SMG6: variants seen among roughly 807,000 people sequenced by gnomAD.
SMG6 encodes telomerase-binding protein EST1A.
Under a neutral mutation model 142.2 loss-of-function variants are expected in SMG6, and 66 were observed. That is an observed-to-expected ratio of 0.46 (90% CI 0.38 to 0.57). SMG6 has a LOEUF of 0.57. Among genes scored for constraint, SMG6 ranks in the 20% least tolerant of loss-of-function variants. The pLI is 0.00. For synonymous variants in SMG6, 779 were observed against 702.4 expected (o/e 1.11, Z -1.72); for missense variants, 1,793 against 1,832.0 (o/e 0.98, Z 0.39).
rs1384478547 is a variant in SMG6 at position 2,277,229 on chromosome 17, C to T, written c.2661+5418G>A. ...TCACCCAGGCTGGAGTGCAGTGGCG[C>T]GATCTCGGCTCACTGCAAGCTCCGC... On this transcript the variant is annotated intron_variant, in intron 8 of 18. Transcript: ENST00000263073. Among the ~76,000 whole-genome samples, 9 of 146,072 alleles carry T rather than the reference C, an allele frequency of 6.2e-5. No individual in the cohort carries two copies. In the East Asian group the frequency reaches 1.0e-3, roughly 16 times the overall value.
At chr17:2,244,499 CAGT>C (rs1212510018) in intron 9 of SMG6, among the ~76,000 whole-genome samples, 156 bp downstream of exon 9, 1 of 152,136 alleles carries the variant, frequency 6.6e-6, no homozygotes, top group African/African-American at 2.4e-5. Context: ...TTCATGAGCA[CAGT>C]AGGACAGAAG....
chr17:2,271,116 GTT>G (rs542881081), intron 8 of SMG6, among the ~76,000 whole-genome samples: 34 of 132,194 alleles, frequency 2.6e-4, no homozygotes, highest in South Asian at 7.2e-4. Context: ...TTTTTTTCTG[GTT>G]TTTTTTTTTT....
rs1450976995 is a variant in SMG6 at position 2,188,502 on chromosome 17, C to T, written c.2883G>A (p.Glu961=). ...GTTCCTGGATCACAGAGCGGCACTC[C>T]TCCGAGAAGCAGTCTGCGGACAGGC... The part of the protein sequence containing the change: ...HNSQLKDCFS[E]ECRSVIQEQA... The change falls in exon 11 of 19, where the codon GAG becomes GAA. Residue 961 remains glutamate (E), a synonymous_variant. Coordinates refer to ENST00000263073, the MANE Select transcript of SMG6 (RefSeq NM_017575.5). 6.2e-7 allele frequency: 1 copy of T among 1,613,848 alleles called. No individual in the cohort carries two copies. The highest frequency in any genetic ancestry group is 8.5e-7 in the Non-Finnish European group (1 of 1,179,968).
intron 8 of SMG6, among the ~76,000 whole-genome samples, chr17:2,271,078 T>C (rs1161889175): frequency 6.6e-6 from 1 of 151,474 alleles, no homozygotes; most frequent in African/African-American, 2.4e-5. Context: ...GCAGGAGGAT[T>C]GCTTGAGTCC....
At chr17:2,186,581 C>A (rs1597552503) in intron 12 of SMG6, 82 bp downstream of exon 12, 3 of 1,503,074 alleles carry the variant, frequency 2.0e-6, no homozygotes, top group East Asian at 2.3e-5. Context: ...CAGAAAGAAA[C>A]AGAGCAGGAT....
intron 9 of SMG6, among the ~76,000 whole-genome samples, chr17:2,240,917 AG>A (rs2073785542): frequency 2.6e-5 from 4 of 152,236 alleles, no homozygotes; most frequent in Admixed American, 1.3e-4. Context: ...CTTCGTAATT[AG>A]GCAACAGTCT....
At chr17:2,212,644 G>A (rs985187331) in intron 10 of SMG6, 13 of 152,262 alleles carry the variant, frequency 8.5e-5, no homozygotes, top group African/African-American at 3.1e-4. Flanking sequence ...AGTTACATCA[G>A]GCACCAACCC....
At position 2,299,667 on chromosome 17, in the gene SMG6, C is replaced by A. The variant is rs1383576267; in HGVS notation, c.1086G>T (p.Glu362Asp). 1 of 1,614,200 alleles carries A rather than the reference C, an allele frequency of 6.2e-7. No individual in the cohort carries two copies. Among genetic ancestry groups the A allele is most frequent in the African/African-American group, 1.3e-5 (1 of 75,044 alleles). ...CCCTGGCTGACCTCACCATGGGAGA[C>A]TCTTTGTTCATGGCTTCTGCATCGA... ...VTFDAEAMNK[E>D]SPMVRSARDD... The change falls in exon 2 of 19, where the codon GAG becomes GAT. Residue 362 changes from glutamate to aspartate, a missense_variant. Glu to Asp is a conservative substitution (Grantham distance 45). Around this residue, in one of 3 missense-constraint regions of SMG6, gnomAD observed 1,597 missense variants for 1,584.6 expected, o/e 1.01. Transcript: ENST00000263073. The surrounding 1 kb of genome is among the most constrained non-coding windows in gnomAD (Gnocchi z 4.3).
rs57963350 is a variant in SMG6 at position 2,130,217 on chromosome 17, G to A, written c.3357+42441C>T. On this transcript the variant is annotated intron_variant, in intron 13 of 18. Coordinates refer to ENST00000263073, the MANE Select transcript of SMG6 (RefSeq NM_017575.5). Reference sequence around the variant, plus strand: ...GGAGCTTGCAGTGAGCCGAGATTGCGCCACTGCAGTCCGCAGTCCGGCCTG... The same window carrying A: ...GGAGCTTGCAGTGAGCCGAGATTGCACCACTGCAGTCCGCAGTCCGGCCTG... Among the ~76,000 whole-genome samples, 237 of 127,210 alleles carry A rather than the reference G, an allele frequency of 1.9e-3. 4 individuals are homozygous for A. The East Asian group carries it at 0.045, about 24-fold the overall frequency. 83.5% of individuals were successfully genotyped at this position (127,210 alleles called of 152,430 possible). A position where few individuals can be genotyped will look rare whatever the true frequency, so the allele number is the denominator to read the frequency against.
intron 6 of SMG6, among the ~76,000 whole-genome samples, chr17:2,286,885 A>G (rs893334198): frequency 2.0e-5 from 3 of 152,050 alleles, no homozygotes; most frequent in African/African-American, 7.2e-5. Flanking sequence ...AGAATATATA[A>G]AGAACTCATA....
At chr17:2,135,344 C>T (rs1176008822) in intron 13 of SMG6, among the ~76,000 whole-genome samples, 1 of 152,120 alleles carries the variant, frequency 6.6e-6, no homozygotes, top group Non-Finnish European at 1.5e-5. Context: ...AAAATCTATT[C>T]TTTAAGCTAT....
At chr17:2,104,339 G>A (rs547127734) in intron 13 of SMG6, among the ~76,000 whole-genome samples, 1 of 152,202 alleles carries the variant, frequency 6.6e-6, no homozygotes, top group African/African-American at 2.4e-5. Context: ...CAAGGGTTCC[G>A]TCTGCCTCAG....
At chr17:2,239,186 G>T (rs1023685212) in intron 9 of SMG6, among the ~76,000 whole-genome samples, 2 of 152,162 alleles carry the variant, frequency 1.3e-5, no homozygotes, top group Non-Finnish European at 2.9e-5. Flanking sequence ...ATGAGTGAAA[G>T]GTCTGGAAGA....
At chr17:2,131,119 T>G (rs529916151) in intron 13 of SMG6, among the ~76,000 whole-genome samples, 2 of 152,354 alleles carry the variant, frequency 1.3e-5, no homozygotes, top group South Asian at 4.1e-4. Context: ...ACAATAAAAC[T>G]TTAAGCATAT....
chr17:2,245,454 C>A lies in SMG6; in HGVS notation c.2662-735G>T, dbSNP rs1188156797. Reference sequence around the variant, plus strand: ...AGGCTGGAGTGCAGTGGTATGATTTCAGCTCACTGCAACCTCCACCTCCCA... The same window carrying A: ...AGGCTGGAGTGCAGTGGTATGATTTAAGCTCACTGCAACCTCCACCTCCCA... On this transcript the variant is annotated intron_variant, in intron 8 of 18. Coordinates refer to ENST00000263073, the MANE Select transcript of SMG6 (RefSeq NM_017575.5). Among the ~76,000 whole-genome samples the A allele has an allele frequency of 2.0e-5, 3 of 152,190 alleles. No homozygotes were observed. The East Asian group carries it at 5.8e-4, about 29-fold the overall frequency.
At chr17:2,205,837 C>T (rs947461079) in intron 10 of SMG6, among the ~76,000 whole-genome samples, 2 of 152,078 alleles carry the variant, frequency 1.3e-5, no homozygotes, top group Non-Finnish European at 2.9e-5. Flanking sequence ...CAGACAGATG[C>T]TAGCTCTGTC....
At chr17:2,166,916 A>G (rs1259250177) in intron 13 of SMG6, among the ~76,000 whole-genome samples, 4 of 152,294 alleles carry the variant, frequency 2.6e-5, no homozygotes, top group African/African-American at 9.6e-5. Context: ...CCTTGAGGTC[A>G]GGAGTTCGAG....
intron 10 of SMG6, among the ~76,000 whole-genome samples, chr17:2,193,712 T>C (rs189589235): frequency 1.5e-4 from 23 of 152,276 alleles, no homozygotes; most frequent in African/African-American, 5.1e-4. Context: ...CCTACTCAAG[T>C]AACTATAATT....
At chr17:2,137,313 G>A (rs772956034) in intron 13 of SMG6, among the ~76,000 whole-genome samples, 10 of 152,122 alleles carry the variant, frequency 6.6e-5, no homozygotes, top group Non-Finnish European at 1.5e-5. Context: ...GGTGATATAC[G>A]GAGAAATGTT....
Sources: gnomAD v4.1 joint callset for allele counts (sites outside exome capture counted in the v4.1 genomes callset) on GRCh38, gnomAD v4.1.1 for gene constraint, gnomAD v4.1.1 regional missense constraint, Gnocchi (gnomAD v3.1) non-coding constraint, MANE v1.5 for transcripts, NCBI Gene and HGNC (gene_info 2026-07-23, HGNC 2026-07-21) for gene names.